The following SUPT16H variants were observed in gnomAD, a reference collection of about 807,000 sequenced individuals.
SUPT16H encodes FACT complex subunit SPT16.
Under a neutral mutation model 136.2 loss-of-function variants are expected in SUPT16H, and 24 were observed. The ratio of observed to expected loss-of-function variants is 0.18; its 90% CI spans 0.13 to 0.25. SUPT16H has a LOEUF of 0.25. Among genes scored for constraint, SUPT16H ranks in the 10% least tolerant of loss-of-function variants. SUPT16H has a pLI of 1.00. For missense variants in SUPT16H, 623 were observed against 1,270.2 expected (o/e 0.49, Z 7.74); for synonymous variants, 415 against 428.2 (o/e 0.97, Z 0.38).
rs183631779 is a variant in SUPT16H, at chr14:21,383,751, G to A, written c.66+111C>T. On this transcript the variant is annotated intron_variant, in intron 1 of 25. Transcript: ENST00000216297. ...ATTCGGGAGCAACGAAAAGGGTGAGGCACAGAACCCGGGAATTCCTGACCG... is the reference window on the plus strand; with the variant it reads ...ATTCGGGAGCAACGAAAAGGGTGAGACACAGAACCCGGGAATTCCTGACCG... 3.5e-4 allele frequency: 445 copies of A among 1,254,832 alleles called. 2 individuals are homozygous for A. The African/African-American group carries it at 4.9e-3, about 14-fold the overall frequency. The allele number at this position is 1,254,832 out of a possible 1,614,324, so 77.7% of individuals were successfully genotyped here. A position where few individuals can be genotyped will look rare whatever the true frequency, so the allele number is the denominator to read the frequency against.
chr14:21,355,482 GA>G (rs1886409946), intron 22 of SUPT16H, among the ~76,000 whole-genome samples: 1 of 135,766 alleles, frequency 7.4e-6, no homozygotes, highest in Non-Finnish European at 1.5e-5. Flanking sequence ...AACAGAGTGA[GA>G]CTCTGTCTCA....
At chr14:21,364,238 G>T (rs577827415) in intron 10 of SUPT16H, among the ~76,000 whole-genome samples, 1 of 151,904 alleles carries the variant, frequency 6.6e-6, no homozygotes, top group South Asian at 2.1e-4. Flanking sequence ...GTTCGCTGAG[G>T]GAAAGAAGCC....
At chr14:21,372,125 T>C (rs375080405) in intron 2 of SUPT16H, 81 bp from the exon 3 acceptor site, 25 of 1,419,202 alleles carry the variant, frequency 1.8e-5, no homozygotes, top group East Asian at 4.7e-5. Flanking sequence ...GAAATACTTA[T>C]AGACAAAAAT....
At chr14:21,374,935 G>C (rs1455855486) in intron 1 of SUPT16H, among the ~76,000 whole-genome samples, 2 of 152,128 alleles carry the variant, frequency 1.3e-5, no homozygotes, top group African/African-American at 4.8e-5. Flanking sequence ...AATGTATCAA[G>C]GTTCCAATTT....
chr14:21,353,685 T>C lies in SUPT16H; in HGVS notation c.2920+18A>G. On this transcript the variant is annotated intron_variant, in intron 24 of 25. Transcript: ENST00000216297. ...TTAGATTAGGAAGCCAGGACGAACTTTGCTCTGTAAGACTAACCTGACTCT... is the reference window on the plus strand; with the variant it reads ...TTAGATTAGGAAGCCAGGACGAACTCTGCTCTGTAAGACTAACCTGACTCT... 1 of 1,608,924 alleles carries C rather than the reference T, an allele frequency of 6.2e-7. No homozygotes were observed. The highest frequency in any genetic ancestry group is 8.5e-7 in the Non-Finnish European group (1 of 1,178,036).
At chr14:21,356,641 G>A (rs1228345014) in intron 22 of SUPT16H, among the ~76,000 whole-genome samples, 1 of 152,190 alleles carries the variant, frequency 6.6e-6, no homozygotes. Flanking sequence ...TTGGGATGCT[G>A]ATGCAGGAAG....
intron 1 of SUPT16H, among the ~76,000 whole-genome samples, chr14:21,376,450 T>C (rs1464939207): frequency 6.6e-6 from 1 of 152,108 alleles, no homozygotes; most frequent in Non-Finnish European, 1.5e-5. Context: ...TTAATAAGGA[T>C]ATATGATAGC....
chr14:21,357,871 T>C, intron 21 of SUPT16H, 56 bp downstream of exon 21: 2 of 1,496,874 alleles, frequency 1.3e-6, no homozygotes, highest in East Asian at 2.3e-5. Flanking sequence ...AAAACACCTA[T>C]CCTTCTTTAT....
intron 1 of SUPT16H, among the ~76,000 whole-genome samples, chr14:21,375,310 C>T (rs1161316898): frequency 6.6e-6 from 1 of 152,262 alleles, no homozygotes; most frequent in East Asian, 1.9e-4. Flanking sequence ...CCACCACGCC[C>T]GGCCCTCACT....
At chr14:21,364,446 T>C (rs1886622152) in intron 10 of SUPT16H, among the ~76,000 whole-genome samples, 2 of 152,208 alleles carry the variant, frequency 1.3e-5, no homozygotes, top group South Asian at 2.1e-4. Context: ...AATTAGATTG[T>C]AGTGATGGTT....
chr14:21,370,428 C>T lies in SUPT16H; in HGVS notation c.391G>A (p.Gly131Ser). Residue 131 changes from glycine to serine, a missense_variant, in exon 4 of 26, where the codon GGC becomes AGC. By Grantham distance (56) the Gly-to-Ser change is moderately conservative. This residue lies in a region of SUPT16H where 343 missense variants were observed against 525.7 expected (regional missense o/e 0.65). Transcript: ENST00000216297. Reference sequence around the variant, plus strand: ...TTGCTGAACACTCCAATCTTCTTGCCATTCTTGCTTTCTTTAATGGCTTCA... The same window carrying T: ...TTGCTGAACACTCCAATCTTCTTGCTATTCTTGCTTTCTTTAATGGCTTCA... ...MIEAIKESKN[G>S]KKIGVFSKDK... The T allele has an allele frequency of 1.2e-6, 2 of 1,614,050 alleles. No individual in the cohort carries two copies. The highest frequency in any genetic ancestry group is 1.7e-6 in the Non-Finnish European group (2 of 1,180,002).
intron 14 of SUPT16H, 85 bp downstream of exon 14, chr14:21,362,709 T>C: frequency 6.9e-7 from 1 of 1,454,086 alleles, no homozygotes; most frequent in Admixed American, 2.1e-5. Context: ...GTGGGAGACA[T>C]GATGAATGCA....
In SUPT16H at chr14:21,352,628, G is replaced by A. The variant is rs377307917; in HGVS notation, c.*45C>T. The A allele has an allele frequency of 8.1e-6, 13 of 1,610,060 alleles. No homozygotes were observed. The highest frequency in any genetic ancestry group is 1.1e-5 in the Non-Finnish European group (13 of 1,179,010). On this transcript the variant is annotated 3_prime_UTR_variant, in exon 26 of 26. Transcript: ENST00000216297. ...TTTCTATGTCATGTAAAATTTTCAG[G>A]GGTTGGCTGGAGGAAGAATGGAGCT...
intron 10 of SUPT16H, among the ~76,000 whole-genome samples, chr14:21,363,793 C>T (rs930994017): frequency 6.6e-6 from 1 of 152,152 alleles, no homozygotes. Flanking sequence ...ATTCTCCTGC[C>T]TCAGCCTCCC....
chr14:21,354,168 T>G (rs1429057524), intron 23 of SUPT16H, among the ~76,000 whole-genome samples: 1 of 152,204 alleles, frequency 6.6e-6, no homozygotes, highest in Non-Finnish European at 1.5e-5. Flanking sequence ...CCCTGAAGGA[T>G]TTTTCCCTAA....
rs1257849218 is a variant in SUPT16H, at chr14:21,358,966, G to A, written c.2301+518C>T. ...ACTACAGGAGCCCGCCACTACACCC[G>A]GCTAATTTTTTTGTATTTTTAGTAG... On this transcript the variant is annotated intron_variant, in intron 19 of 25. Coordinates refer to ENST00000216297, the MANE Select transcript of SUPT16H (RefSeq NM_007192.4). Among the ~76,000 whole-genome samples, 3 of 151,560 alleles carry A rather than the reference G, an allele frequency of 2.0e-5. No individual in the cohort carries two copies. The East Asian group carries it at 5.9e-4, about 30-fold the overall frequency.
chr14:21,378,543 G>C (rs896774285), intron 1 of SUPT16H, among the ~76,000 whole-genome samples: 35 of 152,116 alleles, frequency 2.3e-4, no homozygotes, highest in Middle Eastern at 3.2e-3. Context: ...TGGGTATAAA[G>C]GGTTTACTTA....
At chr14:21,378,043 T>G (rs1886941570) in intron 1 of SUPT16H, among the ~76,000 whole-genome samples, 1 of 151,840 alleles carries the variant, frequency 6.6e-6, no homozygotes, top group African/African-American at 2.4e-5. Flanking sequence ...GCCTAAAGAG[T>G]AACCTATACA....
At chr14:21,354,645 G>A (rs1405178515) in intron 22 of SUPT16H, 105 bp from the exon 23 acceptor site, 10 of 1,417,036 alleles carry the variant, frequency 7.1e-6, no homozygotes, top group Middle Eastern at 2.6e-4. Context: ...AGGCTGGAGT[G>A]CAGTGGCACA....
Sources: allele counts gnomAD v4.1 joint callset (sites outside exome capture counted in the v4.1 genomes callset), GRCh38; gene constraint gnomAD v4.1.1; regional missense constraint gnomAD v4.1.1; transcripts MANE v1.5; gene names NCBI Gene and HGNC (gene_info 2026-07-23, HGNC 2026-07-21).